Variants in RSRP1 observed in about 807,000 individuals in gnomAD.
The protein encoded by RSRP1 is arginine/serine-rich protein 1.
Under a neutral mutation model 33.0 loss-of-function variants are expected in RSRP1, and 37 were observed. That is an observed-to-expected ratio of 1.12 (90% CI 0.86 to 1.48). RSRP1 has a LOEUF of 1.48. Among genes scored for constraint, RSRP1 ranks in the 40% most tolerant of loss-of-function variants. The pLI is 0.00. For synonymous variants in RSRP1, 167 were observed against 158.7 expected (o/e 1.05, Z -0.40); for missense variants, 402 against 385.3 (o/e 1.04, Z -0.36).
At chr1:25,297,915 G>A (rs573184384) in intron 1 of RSRP1, among the ~76,000 whole-genome samples, 11 of 131,758 alleles carry the variant, frequency 8.3e-5, no homozygotes, top group African/African-American at 2.9e-4. Flanking sequence ...AACTGGCTAT[G>A]AGAAGCCACT....
In RSRP1 at chr1:25,245,281, T is replaced by G; in HGVS notation, c.541A>C (p.Ile181Leu). 1 of 1,613,818 alleles carries G rather than the reference T, an allele frequency of 6.2e-7. No individual in the cohort carries two copies. The highest frequency in any genetic ancestry group is 1.1e-5 in the South Asian group (1 of 91,040). ...GCTTTCGCTGCATTGGTTTTTGCTA[T>G]TTCTAACAGCTCCATTCGATCTAAA... Reference protein sequence around the residue: ...SEKDRMELLEIAKTNAAKALG... With the variant: ...SEKDRMELLELAKTNAAKALG... Residue 181 changes from isoleucine (I) to leucine (L), a missense_variant, in exon 3 of 5, where the codon ATA becomes CTA. Transcript: ENST00000243189.
intron 1 of RSRP1, among the ~76,000 whole-genome samples, chr1:25,280,590 G>T (rs1200507642): frequency 8.6e-6 from 1 of 115,780 alleles, no homozygotes; most frequent in African/African-American, 2.9e-5. Flanking sequence ...ACAGACATAA[G>T]CCACTGTGCC....
At chr1:25,305,811 C>A (rs183048329) in intron 1 of RSRP1, among the ~76,000 whole-genome samples, 1 of 130,768 alleles carries the variant, frequency 7.6e-6, no homozygotes, top group East Asian at 2.0e-4. Context: ...CATGTTGGCC[C>A]TGCTGGTCTT....
At chr1:25,295,891 T>G (rs1363759390) in intron 1 of RSRP1, among the ~76,000 whole-genome samples, 1 of 106,528 alleles carries the variant, frequency 9.4e-6, no homozygotes, top group African/African-American at 3.3e-5. Flanking sequence ...AGATGGAGTT[T>G]CGCTGTTGTC....
At chr1:25,291,531 T>G (rs36012318) in intron 1 of RSRP1, among the ~76,000 whole-genome samples, 2,494 of 130,418 alleles carry the variant, frequency 0.019, 310 homozygotes, top group African/African-American at 0.06. Flanking sequence ...TCCAAATGAG[T>G]TTACAAAAAT....
At chr1:25,243,752 A>C (rs556735477) in intron 3 of RSRP1, 119 bp from the exon 4 acceptor site, 300 of 1,467,064 alleles carry the variant, frequency 2.0e-4, no homozygotes, top group Non-Finnish European at 2.6e-4. Context: ...ATCAACTTGG[A>C]TCTAACAGCC....
At chr1:25,244,846 G>A in intron 3 of RSRP1, 1 of 1,006,866 alleles carries the variant, frequency 9.9e-7, no homozygotes, top group Non-Finnish European at 1.3e-6. Context: ...ACCATGCCTG[G>A]CTAATTTTTG....
chr1:25,303,586 A>C, intron 1 of RSRP1: 1 of 1,004,318 alleles, frequency 1.0e-6, no homozygotes, highest in Non-Finnish European at 1.5e-6. Flanking sequence ...TATTGGCTTC[A>C]ACGCCTAGTG....
chr1:25,301,245 T>C, intron 1 of RSRP1: 2 of 893,472 alleles, frequency 2.2e-6, no homozygotes, highest in Non-Finnish European at 3.6e-6. Flanking sequence ...TAGTGTTTGC[T>C]AAATTCATAC....
At position 25,316,252 on chromosome 1, in the gene RSRP1, T is replaced by C. The variant is rs769525147; in HGVS notation, c.-67+21726A>G. Among the ~76,000 whole-genome samples, 12 of 129,080 alleles carry C rather than the reference T, an allele frequency of 9.3e-5. 5 individuals are homozygous for C. The highest frequency in any genetic ancestry group is 2.2e-4 in the Non-Finnish European group (12 of 54,664). The allele number at this position is 129,080 out of a possible 152,430, so 84.7% of individuals were successfully genotyped here. A position where few individuals can be genotyped will look rare whatever the true frequency, so the allele number is the denominator to read the frequency against. On this transcript the variant is annotated intron_variant, in intron 1 of 1. Coordinates refer to the RSRP1 transcript ENST00000561867. ...GGTAGGGATGGGCAGGGGAGATGGG[T>C]CTGAAAGCCAAGCTCTACCCCACCC... is the stretch of plus-strand genomic sequence containing the variant.
chr1:25,262,168 G>T (rs1481152359), intron 1 of RSRP1, among the ~76,000 whole-genome samples: 1 of 152,168 alleles, frequency 6.6e-6, no homozygotes, highest in African/African-American at 2.4e-5. Context: ...GTAATCTGTA[G>T]TCTGACTAAA....
intron 1 of RSRP1, chr1:25,290,578 T>G: frequency 1.7e-6 from 2 of 1,172,834 alleles, no homozygotes. Flanking sequence ...AATGAATGAA[T>G]GAATGAATGA....
intron 1 of RSRP1, among the ~76,000 whole-genome samples, chr1:25,262,844 A>G (rs28670433): frequency 0.17 from 26,283 of 152,140 alleles, 7,426 homozygotes; most frequent in African/African-American, 0.59. Flanking sequence ...CCACCTGCAC[A>G]TTGAGGGCGG....
intron 1 of RSRP1, among the ~76,000 whole-genome samples, chr1:25,322,465 G>C (rs1362241043): frequency 7.5e-6 from 1 of 132,836 alleles, no homozygotes; most frequent in East Asian, 1.9e-4. Flanking sequence ...CTGAGGCCAG[G>C]AGTTCGAGAC....
At position 25,331,187 on chromosome 1, in the gene RSRP1, C is replaced by T. The variant is rs1238429844; in HGVS notation, c.-67+6791G>A. ...TTCACCATATTGGCCAGGCTGGTCT[C>T]GAACTCCTGACCTTGTCATCTGCCT... On this transcript the variant is annotated intron_variant, in intron 1 of 1. Coordinates refer to the RSRP1 transcript ENST00000561867. 6.2e-5 allele frequency among the ~76,000 whole-genome samples: 8 copies of T among 128,402 alleles called. 2 individuals are homozygous for T. Among genetic ancestry groups the T allele is most frequent in the Non-Finnish European group, 1.3e-4 (7 of 54,366 alleles). 84.2% of individuals were successfully genotyped at this position (128,402 alleles called of 152,430 possible). A position where few individuals can be genotyped will look rare whatever the true frequency, so the allele number is the denominator to read the frequency against.
chr1:25,285,426 G>T lies in RSRP1; in HGVS notation c.-66-38397C>A, dbSNP rs1259674493. ...TGGGATTACAGACATGAGCCACCGCGTCCAGCCTGAGAGACATTCTCTTGA... is the reference window on the plus strand; with the variant it reads ...TGGGATTACAGACATGAGCCACCGCTTCCAGCCTGAGAGACATTCTCTTGA... On this transcript the variant is annotated intron_variant, in intron 1 of 1. Transcript: ENST00000561867. Among the ~76,000 whole-genome samples the T allele has an allele frequency of 3.0e-5, 4 of 135,026 alleles. 1 individual carries two copies. Among genetic ancestry groups the T allele is most frequent in the Non-Finnish European group, 7.0e-5 (4 of 56,972 alleles). The allele number at this position is 135,026 out of a possible 152,430, so 88.6% of individuals were successfully genotyped here.
At position 25,334,752 on chromosome 1, in the gene RSRP1, AGGCTTGG is replaced by A. The variant is rs564006208; in HGVS notation, c.-67+3219_-67+3225del. Among the ~76,000 whole-genome samples, 237 of 133,550 alleles carry A rather than the reference AGGCTTGG, an allele frequency of 1.8e-3. 7 individuals carry two copies. The highest frequency in any genetic ancestry group is 3.4e-3 in the Non-Finnish European group (192 of 56,382). 87.6% of individuals were successfully genotyped at this position (133,550 alleles called of 152,430 possible). The stretch of plus-strand genomic sequence containing the variant: ...TCTCAACACCACATGGAAGCTGTCA[AGGCTTGG>A]GGCTTGCACTCCCCGAAGCTACAGC... On this transcript the variant is annotated intron_variant, in intron 1 of 1. Transcript: ENST00000561867.
At chr1:25,290,297 A>G (rs1642375040) in intron 1 of RSRP1, among the ~76,000 whole-genome samples, 1 of 124,728 alleles carries the variant, frequency 8.0e-6, no homozygotes, top group Non-Finnish European at 1.9e-5. Flanking sequence ...GCAGAATCCC[A>G]GTTATCAGAT....
rs552298098 is a variant in RSRP1 at position 25,312,096 on chromosome 1, G to C, written c.-67+25882C>G. On this transcript the variant is annotated intron_variant, in intron 1 of 1. Coordinates refer to the RSRP1 transcript ENST00000561867. ...AGAACCCAGCAAAACCACAGGGGCA[G>C]AGCTCCCCGAAGCTTCGGGGGTCCA... is the stretch of plus-strand genomic sequence containing the variant. Among the ~76,000 whole-genome samples, 11 of 98,974 alleles carry C rather than the reference G, an allele frequency of 1.1e-4. 1 individual carries two copies. The South Asian group carries it at 3.5e-3, about 32-fold the overall frequency. 64.9% of individuals were successfully genotyped at this position (98,974 alleles called of 152,430 possible).
Sources: gnomAD v4.1 joint callset for allele counts (sites outside exome capture counted in the v4.1 genomes callset) on GRCh38, gnomAD v4.1.1 for gene constraint, MANE v1.5 for transcripts, NCBI Gene and HGNC (gene_info 2026-07-23, HGNC 2026-07-21) for gene names.